The following ATP6V0B variants were observed in gnomAD, a reference collection of about 807,000 sequenced individuals.
ATP6V0B encodes ATPase H+ transporting V0 subunit b.
ATP6V0B carries 4 observed loss-of-function variants against 26.2 expected under a neutral mutation model. The ratio of observed to expected loss-of-function variants is 0.15; its 90% CI spans 0.08 to 0.35. The LOEUF is 0.35. Ranked by LOEUF, ATP6V0B falls within the 10% of genes least tolerant of loss-of-function variation. The probability of loss-of-function intolerance (pLI) is 1.00; values close to 1 mark genes in which losing one functional copy is unlikely to be tolerated. For synonymous variants in ATP6V0B, 110 were observed against 105.8 expected, an observed-to-expected ratio of 1.04 and a Z score of -0.24; for missense variants, 175 against 272.5, an observed-to-expected ratio of 0.64 and a Z score of 2.52.
At chr1:43,975,910 C>G (rs921351139) in intron 2 of ATP6V0B, 62 bp downstream of exon 2, 2 of 1,539,800 alleles carry the variant, frequency 1.3e-6, no homozygotes, top group Non-Finnish European at 1.8e-6. Context: ...CTCTTCTTTT[C>G]TCTGGTCTGA....
intron 1 of ATP6V0B, 162 bp downstream of exon 1, chr1:43,975,269 G>C (rs1400932944): frequency 2.2e-6 from 2 of 927,296 alleles, no homozygotes; most frequent in Non-Finnish European, 3.3e-6. Flanking sequence ...CGACAAAGGA[G>C]ACCCGGATTT....
intron 1 of ATP6V0B, 112 bp downstream of exon 1, chr1:43,975,219 C>A: frequency 7.8e-7 from 1 of 1,278,338 alleles, no homozygotes; most frequent in Non-Finnish European, 1.0e-6. Flanking sequence ...GCTCTGCACC[C>A]GAGGCTCTGG....
chr1:43,975,464 C>G (rs967766404), intron 1 of ATP6V0B: 3 of 551,836 alleles, frequency 5.4e-6, no homozygotes, highest in Non-Finnish European at 9.6e-6. Context: ...GCTTTGCCCT[C>G]CCCCACCCAC....
At position 43,975,389 on chromosome 1, in the gene ATP6V0B, C is replaced by G. The variant is rs565313091; in HGVS notation, c.67+282C>G. 11 of 561,246 alleles carry G rather than the reference C, an allele frequency of 2.0e-5. No individual in the cohort carries two copies. In the African/African-American group the frequency reaches 2.2e-4, roughly 11 times the overall value. The allele number at this position is 561,246 out of a possible 1,614,324, so 34.8% of individuals were successfully genotyped here. On this transcript the variant is annotated intron_variant, in intron 1 of 7. Transcript: ENST00000472174. ...CTCCCACGTCTCACTGCTGTCCCCC[C>G]TTTCTTGCTCCTGACCGGCCCGCTC...
At position 43,976,889 on chromosome 1, in the gene ATP6V0B, C is replaced by G; in HGVS notation, c.400+65C>G. On this transcript the variant is annotated intron_variant, in intron 6 of 7. Transcript: ENST00000472174. The surrounding 1 kb of genome is among the most constrained non-coding windows in gnomAD (Gnocchi z 4.6). The stretch of plus-strand genomic sequence containing the variant: ...CATGCCTGCTTCCACTCTCCCCCAT[C>G]CCAGCTTGGGCCATCATTTTGATAT... The G allele has an allele frequency of 6.2e-7, 1 of 1,606,562 alleles. No homozygotes were observed.
intron 1 of ATP6V0B, 199 bp from the exon 2 acceptor site, chr1:43,975,601 G>A: frequency 3.0e-6 from 2 of 667,924 alleles, no homozygotes; most frequent in African/African-American, 1.8e-5. Flanking sequence ...CTTGGTCTGG[G>A]AGGTGGTTTT....
At chr1:43,977,326 C>T in intron 7 of ATP6V0B, 110 bp downstream of exon 7, 2 of 1,592,018 alleles carry the variant, frequency 1.3e-6, no homozygotes, top group Non-Finnish European at 1.7e-6. Context: ...ATAGATTCCC[C>T]CAAACAGCTT....
intron 2 of ATP6V0B, 36 bp downstream of exon 2, chr1:43,975,884 T>G: frequency 6.4e-7 from 1 of 1,563,724 alleles, no homozygotes; most frequent in Non-Finnish European, 8.7e-7. Flanking sequence ...CCCTTGAAGC[T>G]TCTTCCCTGC....
At chr1:43,975,448 C>T in intron 1 of ATP6V0B, 1 of 548,978 alleles carries the variant, frequency 1.8e-6, no homozygotes, top group Admixed American at 3.6e-5. Flanking sequence ...TCCTCTTTTC[C>T]CAGTCGCTTT....
intron 7 of ATP6V0B, chr1:43,977,632 C>T: frequency 7.0e-7 from 1 of 1,420,004 alleles, no homozygotes; most frequent in Non-Finnish European, 9.1e-7. Flanking sequence ...ACATGCCTGT[C>T]AGTAGGACAC....
In ATP6V0B at chr1:43,975,102, C is replaced by T. The variant is rs1363517100; in HGVS notation, c.62C>T (p.Ala21Val). 1 of 1,411,340 alleles carries T rather than the reference C, an allele frequency of 7.1e-7. No homozygotes were observed. Among genetic ancestry groups the T allele is most frequent in the Non-Finnish European group, 9.2e-7 (1 of 1,088,896 alleles). 87.4% of individuals were successfully genotyped at this position (1,411,340 alleles called of 1,614,324 possible). A position where few individuals can be genotyped will look rare whatever the true frequency, so the allele number is the denominator to read the frequency against. ...VFVAFWACAL[A>V]VGVCYTIFDL... Reference sequence around the variant, plus strand: ...GTGGCCTTCTGGGCCTGCGCGCTGGCCGTGGGTGAGGCCGGGTCCTGGCGG... The same window carrying T: ...GTGGCCTTCTGGGCCTGCGCGCTGGTCGTGGGTGAGGCCGGGTCCTGGCGG... Residue 21 changes from alanine (A) to valine (V), a missense_variant, in exon 1 of 8, where the codon GCC (alanine) becomes GTC (valine). Coordinates refer to ENST00000472174, the MANE Select transcript of ATP6V0B (RefSeq NM_004047.5).
intron 1 of ATP6V0B, chr1:43,975,574 C>A: frequency 1.7e-6 from 1 of 603,046 alleles, no homozygotes; most frequent in Non-Finnish European, 2.9e-6. Flanking sequence ...CGGGTGGCGA[C>A]CCTGCCTGCG....
chr1:43,976,471 C>G lies in ATP6V0B; in HGVS notation c.278+92C>G. ...TGACATACTGTTTCTGACAAGCCAC[C>G]TTGTGGGATGGGATGTTATAGGGGA... On this transcript the variant is annotated intron_variant, in intron 4 of 7. Coordinates refer to ENST00000472174, the MANE Select transcript of ATP6V0B (RefSeq NM_004047.5). The surrounding 1 kb of genome is among the most constrained non-coding windows in gnomAD (Gnocchi z 4.6). 2.6e-6 allele frequency: 4 copies of G among 1,540,022 alleles called. No individual in the cohort carries two copies. The Admixed American group carries it at 6.9e-5, about 26-fold the overall frequency.
In ATP6V0B at chr1:43,976,375, G is replaced by A; in HGVS notation, c.274G>A (p.Val92Ile). Residue 92 changes from valine to isoleucine, a missense_variant, in exon 4 of 8, where the codon GTC becomes ATC. Transcript: ENST00000472174. This position sits in a 1 kb window ranked among gnomAD's most constrained non-coding sequence, Gnocchi z 4.6. ...KAPRIKTKNL[V>I]SIIFCEAVAI... ...CCCCAGGATCAAGACCAAGAACCTG[G>A]TCAGGTAAGTGTCAGGGTCCTTGGA... 6.2e-7 allele frequency: 1 copy of A among 1,612,132 alleles called. No individual in the cohort carries two copies. Among genetic ancestry groups the A allele is most frequent in the East Asian group, 2.2e-5 (1 of 44,850 alleles).
rs561205732 is a variant in ATP6V0B at position 43,976,521 on chromosome 1, AG to A, written c.279-67del. 5.4e-4 allele frequency: 864 copies of A among 1,586,478 alleles called. 5 individuals carry two copies. The African/African-American group carries it at 9.9e-3, about 18-fold the overall frequency. ...AAAGATTGCTGGGGACTTACTGGGC[AG>A]GAAGGACGGTTTCTTTCTCATTTCT... On this transcript the variant is annotated intron_variant, in intron 4 of 7. Coordinates refer to ENST00000472174, the MANE Select transcript of ATP6V0B (RefSeq NM_004047.5). The surrounding 1 kb of genome is among the most constrained non-coding windows in gnomAD (Gnocchi z 4.6).
At chr1:43,977,625 T>C in intron 7 of ATP6V0B, 1 of 1,419,910 alleles carries the variant, frequency 7.0e-7, no homozygotes, top group Non-Finnish European at 9.1e-7. Flanking sequence ...CCCTCTCACA[T>C]GCCTGTCAGT....
In ATP6V0B at chr1:43,976,760, C is replaced by T; in HGVS notation, c.349-13C>T. 2.5e-6 allele frequency: 4 copies of T among 1,614,156 alleles called. No homozygotes were observed. Among genetic ancestry groups the T allele is most frequent in the South Asian group, 1.1e-5 (1 of 91,042 alleles). On this transcript the variant is annotated splice_polypyrimidine_tract_variant and intron_variant, in intron 5 of 7. Coordinates refer to ENST00000472174, the MANE Select transcript of ATP6V0B (RefSeq NM_004047.5). This position sits in a 1 kb window ranked among gnomAD's most constrained non-coding sequence, Gnocchi z 4.6. Reference sequence around the variant, plus strand: ...ATCAGGATGGTTTCTGATTACTTTTCTTCTTCCCTCAGCCTTTCAGTGCCA... The same window carrying T: ...ATCAGGATGGTTTCTGATTACTTTTTTTCTTCCCTCAGCCTTTCAGTGCCA...
chr1:43,975,739 G>A (rs2085512585), intron 1 of ATP6V0B, 61 bp from the exon 2 acceptor site: 6 of 1,582,904 alleles, frequency 3.8e-6, no homozygotes, highest in Non-Finnish European at 5.2e-6. Flanking sequence ...GCTACTTTAG[G>A]TTGAAGAACT....
chr1:43,976,729 G>C lies in ATP6V0B; in HGVS notation c.349-44G>C. ...CTACACATTCCTTAGAGATTGGATGGGGTGCATCAGGATGGTTTCTGATTA... is the reference window on the plus strand; with the variant it reads ...CTACACATTCCTTAGAGATTGGATGCGGTGCATCAGGATGGTTTCTGATTA... On this transcript the variant is annotated intron_variant, in intron 5 of 7. Transcript: ENST00000472174. This position sits in a 1 kb window ranked among gnomAD's most constrained non-coding sequence, Gnocchi z 4.6. The C allele has an allele frequency of 6.2e-7, 1 of 1,613,686 alleles. No homozygotes were observed. The highest frequency in any genetic ancestry group is 8.5e-7 in the Non-Finnish European group (1 of 1,179,634).
Sources: gnomAD v4.1 joint callset for allele counts on GRCh38, gnomAD v4.1.1 for gene constraint, Gnocchi (gnomAD v3.1) non-coding constraint, MANE v1.5 for transcripts, NCBI Gene and HGNC (gene_info 2026-07-23, HGNC 2026-07-21) for gene names.